Variants in NDEL1 observed in about 807,000 individuals in gnomAD.
The protein encoded by NDEL1 is nuclear distribution protein nudE-like 1.
In NDEL1, 9 loss-of-function variants were observed where a neutral mutation model predicts 45.7. That is an observed-to-expected ratio of 0.20 (90% CI 0.12 to 0.34). The LOEUF is 0.34. NDEL1 is among the 10% of genes least tolerant of loss of function. NDEL1 has a pLI of 1.00. For synonymous variants in NDEL1, 133 were observed against 158.6 expected, an observed-to-expected ratio of 0.84 and a Z score of 1.21; for missense variants, 306 against 406.2, an observed-to-expected ratio of 0.75 and a Z score of 2.12.
downstream of NDEL1, among the ~76,000 whole-genome samples, chr17:8,472,777 C>T (rs973710363): frequency 3.9e-5 from 6 of 152,208 alleles, no homozygotes; most frequent in African/African-American, 1.2e-4. Context: ...TATGATGTGG[C>T]AAGGGCAGAG....
intron 1 of NDEL1, among the ~76,000 whole-genome samples, chr17:8,417,364 A>T (rs2151691653): frequency 6.6e-6 from 1 of 152,258 alleles, no homozygotes; most frequent in East Asian, 1.9e-4. Context: ...CACTGTGCGC[A>T]GCCTCTTTTT....
At chr17:8,438,049 C>T (rs894321730) in intron 1 of NDEL1, among the ~76,000 whole-genome samples, 2 of 152,116 alleles carry the variant, frequency 1.3e-5, no homozygotes, top group Non-Finnish European at 2.9e-5. Context: ...ACCTCCACCT[C>T]CTGGATTCAA....
chr17:8,461,971 C>T (rs1419673370), intron 8 of NDEL1, among the ~76,000 whole-genome samples: 1 of 151,862 alleles, frequency 6.6e-6, no homozygotes, highest in Non-Finnish European at 1.5e-5. Flanking sequence ...TGTTCAGGGT[C>T]GCTACTCCTG....
chr17:8,463,478 G>C, intron 8 of NDEL1: 2 of 788,080 alleles, frequency 2.5e-6, no homozygotes, highest in Non-Finnish European at 4.2e-6. Flanking sequence ...CCAACTTACA[G>C]CCCATCAGTG....
chr17:8,434,678 T>C (rs1308794389), upstream of NDEL1, among the ~76,000 whole-genome samples: 2 of 152,192 alleles, frequency 1.3e-5, no homozygotes, highest in African/African-American at 4.8e-5. Flanking sequence ...TTTGGGCTAG[T>C]ATCGTCTCCA....
At chr17:8,466,861 G>A in intron 8 of NDEL1, 69 bp from the exon 9 acceptor site, 1 of 1,417,766 alleles carries the variant, frequency 7.1e-7, no homozygotes, top group Non-Finnish European at 1.0e-6. Context: ...TTCCTATTGT[G>A]TGTGAGTGAT....
downstream of NDEL1, among the ~76,000 whole-genome samples, chr17:8,470,286 C>T (rs1911804489): frequency 6.6e-6 from 1 of 152,080 alleles, no homozygotes; most frequent in South Asian, 2.1e-4. The surrounding 1 kb of genome is among the most constrained non-coding windows in gnomAD (Gnocchi z 4.2). Flanking sequence ...TCCATGAAAC[C>T]TCGGGAATGA....
chr17:8,428,342 GTGTGTGTGTGT>G (rs1415252271), intron 1 of NDEL1, among the ~76,000 whole-genome samples: 1 of 134,092 alleles, frequency 7.5e-6, no homozygotes, highest in Admixed American at 7.5e-5. Context: ...GTGTGTGTGT[GTGTGTGTGTGT>G]GTGTGTGTAT....
chr17:8,450,655 G>T, intron 5 of NDEL1, 125 bp from the exon 6 acceptor site: 2 of 840,974 alleles, frequency 2.4e-6, no homozygotes, highest in Non-Finnish European at 3.5e-6. Flanking sequence ...TACTTAAATA[G>T]GAAATTCATT....
At chr17:8,416,571 G>A (rs1376942746) in intron 1 of NDEL1, among the ~76,000 whole-genome samples, 2 of 152,102 alleles carry the variant, frequency 1.3e-5, no homozygotes, top group African/African-American at 4.8e-5. Context: ...TACTTGTCCT[G>A]GTTTTATGTC....
At position 8,465,319 on chromosome 17, in the gene NDEL1, G is replaced by A. The variant is rs983461705; in HGVS notation, c.945-1611G>A. The A allele has an allele frequency of 3.3e-5, 5 of 152,254 alleles. No homozygotes were observed. Among genetic ancestry groups the A allele is most frequent in the African/African-American group, 1.2e-4 (5 of 41,468 alleles). The allele number at this position is 152,254 out of a possible 1,614,324, so 9.4% of individuals were successfully genotyped here. ...AGGATGATTTCAAACTTGCAAATGTGTTGAAGCTCAAAAATCAGACCTAAC... is the reference window on the plus strand; with the variant it reads ...AGGATGATTTCAAACTTGCAAATGTATTGAAGCTCAAAAATCAGACCTAAC... On this transcript the variant is annotated intron_variant, in intron 8 of 8. Coordinates refer to ENST00000334527, the MANE Select transcript of NDEL1 (RefSeq NM_030808.5). This position sits in a 1 kb window ranked among gnomAD's most constrained non-coding sequence, Gnocchi z 4.9.
At chr17:8,435,134 C>T (rs1197226357), upstream of NDEL1, among the ~76,000 whole-genome samples, 1 of 152,038 alleles carries the variant, frequency 6.6e-6, no homozygotes, top group African/African-American at 2.4e-5. Context: ...TATATATACA[C>T]ATAGGACTCC....
intron 1 of NDEL1, among the ~76,000 whole-genome samples, chr17:8,415,770 T>C (rs546488681): frequency 6.6e-6 from 1 of 152,072 alleles, no homozygotes; most frequent in South Asian, 2.1e-4. Flanking sequence ...GGTAAATAGA[T>C]GGAGTCTCGC....
upstream of NDEL1, among the ~76,000 whole-genome samples, chr17:8,432,574 C>T (rs544104469): frequency 2.6e-5 from 4 of 151,468 alleles, no homozygotes; most frequent in South Asian, 4.2e-4. Flanking sequence ...TTAGTAGAGA[C>T]GGGTTTTCAC....
At chr17:8,460,530 TA>T (rs1347830490) in intron 8 of NDEL1, among the ~76,000 whole-genome samples, 12 of 152,226 alleles carry the variant, frequency 7.9e-5, no homozygotes, top group Non-Finnish European at 1.8e-4. Flanking sequence ...ATGCAAACTC[TA>T]CAACAGACAT....
chr17:8,428,953 A>G (rs113897194), intron 1 of NDEL1, among the ~76,000 whole-genome samples: 3,967 of 152,172 alleles, frequency 0.026, 63 homozygotes, highest in South Asian at 0.029. Flanking sequence ...GATTACAGGC[A>G]TGAGCCACCG....
intron 3 of NDEL1, 103 bp downstream of exon 3, chr17:8,445,967 TG>T: frequency 8.5e-7 from 1 of 1,180,250 alleles, no homozygotes; most frequent in Non-Finnish European, 1.1e-6. Flanking sequence ...AAAAATAGTT[TG>T]AAAAAAACGC....
At chr17:8,440,551 A>G (rs1909667423) in intron 1 of NDEL1, among the ~76,000 whole-genome samples, 1 of 152,010 alleles carries the variant, frequency 6.6e-6, no homozygotes, top group South Asian at 2.1e-4. Context: ...GTGAAGTAAA[A>G]TAATTTTGCT....
At chr17:8,460,375 T>C (rs1911121963) in intron 8 of NDEL1, among the ~76,000 whole-genome samples, 4 of 152,180 alleles carry the variant, frequency 2.6e-5, no homozygotes. Context: ...GCTTCTGTCC[T>C]GGGAAGCAGA....
Sources: gnomAD v4.1 joint callset for allele counts (sites outside exome capture counted in the v4.1 genomes callset) on GRCh38, gnomAD v4.1.1 for gene constraint, Gnocchi (gnomAD v3.1) non-coding constraint, MANE v1.5 for transcripts, NCBI Gene and HGNC (gene_info 2026-07-23, HGNC 2026-07-21) for gene names.